Variants in TRIM4 observed in about 807,000 individuals in gnomAD.
TRIM4 encodes the protein E3 ubiquitin-protein ligase TRIM4.
A neutral mutation model predicts 33.7 loss-of-function variants in TRIM4; 29 were observed. The ratio of observed to expected loss-of-function variants is 0.86; its 90% CI spans 0.64 to 1.17. TRIM4 has a LOEUF of 1.17. TRIM4 is among the 50% of genes most tolerant of loss of function. The probability of loss-of-function intolerance (pLI) is 0.00; values close to 1 mark genes in which losing one functional copy is unlikely to be tolerated. For synonymous variants in TRIM4, 224 were observed against 233.0 expected (o/e 0.96, Z 0.35); for missense variants, 554 against 593.7 (o/e 0.93, Z 0.69).
At chr7:99,902,310 CA>C (rs1407937758) in intron 5 of TRIM4, 20 of 647,918 alleles carry the variant, frequency 3.1e-5, no homozygotes, top group Middle Eastern at 4.0e-4. Context: ...GCAGTGGATA[CA>C]ATCTCAGCTC....
chr7:99,914,811 T>A (rs1819517951), intron 1 of TRIM4, among the ~76,000 whole-genome samples: 1 of 152,102 alleles, frequency 6.6e-6, no homozygotes, highest in African/African-American at 2.4e-5. Flanking sequence ...TTTTTCTTTT[T>A]TTCTTTTTTT....
At position 99,919,454 on chromosome 7, in the gene TRIM4, G is replaced by A. The variant is rs552058150; in HGVS notation, c.-53C>T. The stretch of plus-strand genomic sequence containing the variant: ...CCGACGTGAGGCGCGGGAGAGGCCA[G>A]CAAGCTGCGAGCGGCCGCGGGGAGG... On this transcript the variant is annotated 5_prime_UTR_variant, in exon 1 of 6. Transcript: ENST00000349062. The A allele has an allele frequency of 6.7e-5, 97 of 1,448,006 alleles. No individual in the cohort carries two copies. Among genetic ancestry groups the A allele is most frequent in the Non-Finnish European group, 8.5e-5 (93 of 1,100,514 alleles). The allele number at this position is 1,448,006 out of a possible 1,614,324, so 89.7% of individuals were successfully genotyped here.
chr7:99,902,891 C>T (rs1819207829), intron 5 of TRIM4, among the ~76,000 whole-genome samples: 3 of 151,982 alleles, frequency 2.0e-5, no homozygotes, highest in Admixed American at 1.3e-4. Flanking sequence ...CAACAGAGCC[C>T]TTCCTCTGAA....
rs1489297183 is a variant in TRIM4, at chr7:99,891,258, C to A, written c.*905G>T. ...CCAACACTGCCATTTACCAGCTGGC[C>A]AATACTGAGCTAGTTACTCTAAAGA... On this transcript the variant is annotated 3_prime_UTR_variant, in exon 6 of 6. Transcript: ENST00000349062. The A allele has an allele frequency of 6.6e-6, 1 of 152,134 alleles. No homozygotes were observed. Among genetic ancestry groups the A allele is most frequent in the East Asian group, 1.9e-4 (1 of 5,194 alleles). The allele number at this position is 152,134 out of a possible 1,614,324, so 9.4% of individuals were successfully genotyped here.
At chr7:99,898,885 T>C (rs1476436212) in intron 5 of TRIM4, among the ~76,000 whole-genome samples, 1 of 152,218 alleles carries the variant, frequency 6.6e-6, no homozygotes, top group Non-Finnish European at 1.5e-5. Flanking sequence ...TTCTCTATCT[T>C]ATCAAGTGCT....
At chr7:99,912,269 G>A (rs952238938) in intron 1 of TRIM4, among the ~76,000 whole-genome samples, 5 of 152,168 alleles carry the variant, frequency 3.3e-5, no homozygotes, top group South Asian at 2.1e-4. Context: ...GGTGGCTCAC[G>A]CCTGTAACCC....
chr7:99,919,251 C>G lies in TRIM4; in HGVS notation c.151G>C (p.Glu51Gln). 2 of 1,539,884 alleles carry G rather than the reference C, an allele frequency of 1.3e-6. No homozygotes were observed. Among genetic ancestry groups the G allele is most frequent in the Non-Finnish European group, 1.8e-6 (2 of 1,142,602 alleles). Residue 51 changes from glutamate to glutamine, a missense_variant, in exon 1 of 6, where the codon GAA (glutamate) becomes CAA (glutamine). By Grantham distance (29) the Glu-to-Gln change is conservative. Around this residue, in one of 3 missense-constraint regions of TRIM4, gnomAD observed 233 missense variants for 203.1 expected, o/e 1.15. Coordinates refer to ENST00000349062, the MANE Select transcript of TRIM4 (RefSeq NM_033091.3). ...GCGGGCGCCGATGGGTGCCGACATT[C>G]GGGGCAGGGGAACGGGCCGCCGCCC... is the stretch of plus-strand genomic sequence containing the variant. ...APGGGPFPCPECRHPSAPAAL... is the reference protein window; with the variant it reads ...APGGGPFPCPQCRHPSAPAAL...
intron 1 of TRIM4, chr7:99,916,812 G>A (rs373750692): frequency 9.0e-6 from 7 of 779,376 alleles, no homozygotes; most frequent in African/African-American, 1.7e-5. Flanking sequence ...ATCATTCCCT[G>A]CCTTAAAACC....
At chr7:99,896,981 G>A (rs1363586138) in intron 5 of TRIM4, among the ~76,000 whole-genome samples, 2 of 152,184 alleles carry the variant, frequency 1.3e-5, no homozygotes, top group African/African-American at 4.8e-5. Flanking sequence ...CTGCAACTAG[G>A]GAGATATTAG....
At chr7:99,905,860 G>C (rs1278411227) in intron 3 of TRIM4, among the ~76,000 whole-genome samples, 1 of 152,186 alleles carries the variant, frequency 6.6e-6, no homozygotes, top group Non-Finnish European at 1.5e-5. Context: ...TAAGCACAAC[G>C]AGTGCTGGGT....
At chr7:99,907,428 A>G (rs1819333634) in intron 3 of TRIM4, among the ~76,000 whole-genome samples, 1 of 152,158 alleles carries the variant, frequency 6.6e-6, no homozygotes, top group Non-Finnish European at 1.5e-5. Context: ...ATCTTTTTTA[A>G]TCGTTTCCCT....
intron 1 of TRIM4, among the ~76,000 whole-genome samples, chr7:99,912,889 A>G (rs1819477437): frequency 6.6e-6 from 1 of 152,238 alleles, no homozygotes; most frequent in South Asian, 2.1e-4. Context: ...GTTTCCTAAC[A>G]TTATATCATC....
At chr7:99,893,363 A>G (rs1347543323) in intron 5 of TRIM4, among the ~76,000 whole-genome samples, 3 of 83,018 alleles carry the variant, frequency 3.6e-5, no homozygotes, top group Admixed American at 1.8e-4. Flanking sequence ...ATATTAACAA[A>G]TTCTCACGTT....
intron 5 of TRIM4, among the ~76,000 whole-genome samples, chr7:99,899,903 G>A (rs771773085): frequency 7.9e-5 from 12 of 152,044 alleles, no homozygotes; most frequent in South Asian, 2.1e-4. Flanking sequence ...CCATCCTCCC[G>A]CCGTGGCCTC....
Position 99,892,403 on chromosome 7 carries a change from C to A in TRIM4, c.1185G>T (p.Trp395Cys). 1.2e-6 allele frequency: 2 copies of A among 1,614,100 alleles called. No individual in the cohort carries two copies. The highest frequency in any genetic ancestry group is 1.7e-6 in the Non-Finnish European group (2 of 1,180,010). ...TCAAGGGCCAATAGCCAGCAGCACT[C>A]CAATAAATCGCCCAGATGCCCACAT... ...SPDVGIWAIY[W>C]SAAGYWPLIG... is the part of the protein sequence containing the mutation. The change falls in exon 6 of 6, where the codon TGG becomes TGT. Residue 395 changes from tryptophan (W) to cysteine (C), a missense_variant. By Grantham distance (215) the Trp-to-Cys change is radical. Around this residue, in one of 3 missense-constraint regions of TRIM4, gnomAD observed 290 missense variants for 335.8 expected, o/e 0.86. Coordinates refer to ENST00000349062, the MANE Select transcript of TRIM4 (RefSeq NM_033091.3).
At chr7:99,893,846 C>T (rs1669950022) in intron 5 of TRIM4, among the ~76,000 whole-genome samples, 1 of 152,028 alleles carries the variant, frequency 6.6e-6, no homozygotes, top group Non-Finnish European at 1.5e-5. Context: ...CTCCAAATTC[C>T]CTTCCCTCTA....
Position 99,892,501 on chromosome 7 carries a change from T to G in TRIM4, c.1087A>C (p.Ser363Arg). 1 of 1,614,210 alleles carries G rather than the reference T, an allele frequency of 6.2e-7. No homozygotes were observed. Among genetic ancestry groups the G allele is most frequent in the Non-Finnish European group, 8.5e-7 (1 of 1,180,028 alleles). Residue 363 changes from serine to arginine, a missense_variant, in exon 6 of 6, where the codon AGT becomes CGT. Around this residue, in one of 3 missense-constraint regions of TRIM4, gnomAD observed 290 missense variants for 335.8 expected, o/e 0.86. Transcript: ENST00000349062. ...KHYWEVESRD[S>R]LEVAVGVCRE... ...CACACCCCAACAGCAACCTCCAGAC[T>G]ATCTCTACTCTCAACTTCCCAGTAA...
At chr7:99,906,943 A>G (rs2151648196) in intron 3 of TRIM4, among the ~76,000 whole-genome samples, 1 of 152,340 alleles carries the variant, frequency 6.6e-6, no homozygotes, top group South Asian at 2.1e-4. Context: ...GTTGGAGGCA[A>G]CGCAGGTAGC....
In TRIM4 at chr7:99,892,406, A is replaced by G; in HGVS notation, c.1182T>C (p.Tyr394=). Residue 394 remains tyrosine, a synonymous_variant, in exon 6 of 6, where the codon TAT becomes TAC. Transcript: ENST00000349062. The part of the protein sequence containing the change: ...MSPDVGIWAI[Y]WSAAGYWPLI... ...AGGGCCAATAGCCAGCAGCACTCCA[A>G]TAAATCGCCCAGATGCCCACATCTG... 6.2e-7 allele frequency: 1 copy of G among 1,614,136 alleles called. No homozygotes were observed. The highest frequency in any genetic ancestry group is 8.5e-7 in the Non-Finnish European group (1 of 1,180,010).
Sources: allele counts gnomAD v4.1 joint callset (sites outside exome capture counted in the v4.1 genomes callset), GRCh38; gene constraint gnomAD v4.1.1; regional missense constraint gnomAD v4.1.1; transcripts MANE v1.5; gene names NCBI Gene and HGNC (gene_info 2026-07-23, HGNC 2026-07-21).